Variants in ABI3BP observed in about 807,000 individuals in gnomAD.
The protein encoded by ABI3BP is ABI family member 3 binding protein.
In ABI3BP, 216 loss-of-function variants were observed where a neutral mutation model predicts 268.6. The ratio of observed to expected loss-of-function variants is 0.80; its 90% CI spans 0.72 to 0.90. The LOEUF is 0.90. Among genes scored for constraint, ABI3BP ranks in the 40% least tolerant of loss-of-function variants. The probability of loss-of-function intolerance (pLI) is 0.00; values close to 1 mark genes in which losing one functional copy is unlikely to be tolerated. For missense variants in ABI3BP, 2,090 were observed against 2,182.4 expected, an observed-to-expected ratio of 0.96 and a Z score of 0.84; for synonymous variants, 730 against 730.0, an observed-to-expected ratio of 1.00 and a Z score of 0.00.
chr3:100,884,407 T>C (rs116136039), intron 6 of ABI3BP, among the ~76,000 whole-genome samples: 1 of 152,126 alleles, frequency 6.6e-6, no homozygotes, highest in African/African-American at 2.4e-5. Flanking sequence ...GATAATAATT[T>C]CACAATGAAC....
At chr3:100,871,697 G>A (rs1383783280) in intron 9 of ABI3BP, among the ~76,000 whole-genome samples, 2 of 152,202 alleles carry the variant, frequency 1.3e-5, no homozygotes, top group African/African-American at 4.8e-5. Context: ...CCCCAGCCAT[G>A]TGGAACTATA....
chr3:100,825,595 C>T lies in ABI3BP; in HGVS notation c.2662+190G>A, dbSNP rs188686397. Among the ~76,000 whole-genome samples, 5 of 152,304 alleles carry T rather than the reference C, an allele frequency of 3.3e-5. No homozygotes were observed. The East Asian group carries it at 7.7e-4, about 23-fold the overall frequency. ...AGCTCATGCCTGGCTCTCATAAAAA[C>T]AGCAGGAAACTTGTTTTTAGGAGGC... On this transcript the variant is annotated intron_variant, in intron 35 of 67. Coordinates refer to ENST00000471714, the MANE Select transcript of ABI3BP (RefSeq NM_001375547.2).
chr3:100,926,557 T>G, intron 1 of ABI3BP, 76 bp from the exon 2 acceptor site: 1 of 1,381,654 alleles, frequency 7.2e-7, no homozygotes, highest in Non-Finnish European at 1.0e-6. Flanking sequence ...CAGCAAGTGT[T>G]GGTGGCTAGA....
At chr3:100,780,272 A>G (rs1329696965) in intron 57 of ABI3BP, 63 bp from the exon 58 acceptor site, 36 of 1,474,856 alleles carry the variant, frequency 2.4e-5, no homozygotes, top group Non-Finnish European at 3.4e-5. Context: ...GAAACTTGGT[A>G]GAGTTGCCAG....
chr3:100,928,964 C>G (rs2062748216), intron 1 of ABI3BP, among the ~76,000 whole-genome samples: 2 of 152,040 alleles, frequency 1.3e-5, no homozygotes, highest in South Asian at 4.1e-4. Context: ...TCAGATAAAA[C>G]ACAGATTTTG....
intron 63 of ABI3BP, 58 bp downstream of exon 63, chr3:100,765,783 G>T: frequency 8.0e-7 from 1 of 1,248,090 alleles, no homozygotes; most frequent in Non-Finnish European, 1.2e-6. Context: ...TCTTTCCCTT[G>T]TTGTGGTTAT....
intron 26 of ABI3BP, 22 bp from the exon 27 acceptor site, chr3:100,837,193 G>A (rs539874580): frequency 6.6e-7 from 1 of 1,524,722 alleles, no homozygotes; most frequent in South Asian, 1.2e-5. Flanking sequence ...AAAATAAACA[G>A]ATATAAGTAA....
At chr3:100,793,209 A>AT (rs1475358179) in intron 54 of ABI3BP, among the ~76,000 whole-genome samples, 1 of 151,896 alleles carries the variant, frequency 6.6e-6, no homozygotes, top group African/African-American at 2.4e-5. Context: ...CAAATATTCT[A>AT]TTTTTCTCAT....
At position 100,848,785 on chromosome 3, in the gene ABI3BP, A is replaced by G. The variant is rs1438729558; in HGVS notation, c.1576+16T>C. 3 of 1,602,362 alleles carry G rather than the reference A, an allele frequency of 1.9e-6. No individual in the cohort carries two copies. In the East Asian group the frequency reaches 6.7e-5, roughly 36 times the overall value. ...ATCTGGAATTACATATCATGTAAAT[A>G]TAAAGAGACATTTACCAGGTTTGGT... On this transcript the variant is annotated intron_variant, in intron 18 of 67. Coordinates refer to ENST00000471714, the MANE Select transcript of ABI3BP (RefSeq NM_001375547.2).
chr3:100,749,577 T>TTCTC lies in ABI3BP; in HGVS notation c.*914_*917dup, dbSNP rs1461804782. ...ATTGAATTAAACAGTTACAAAGACA[T>TTCTC]TCTCTGATACATTCATTCATAGAGG... On this transcript the variant is annotated 3_prime_UTR_variant, in exon 68 of 68. Transcript: ENST00000471714. 7.6e-6 allele frequency: 3 copies of TTCTC among 396,684 alleles called. No individual in the cohort carries two copies. Among genetic ancestry groups the TTCTC allele is most frequent in the East Asian group, 3.6e-5 (1 of 27,906 alleles). 24.6% of individuals were successfully genotyped at this position (396,684 alleles called of 1,614,324 possible).
At chr3:100,985,405 T>G (rs2091389200) in intron 1 of ABI3BP, among the ~76,000 whole-genome samples, 1 of 152,058 alleles carries the variant, frequency 6.6e-6, no homozygotes, top group Non-Finnish European at 1.5e-5. Context: ...CGCCTTGGCC[T>G]CCCAAAGTGC....
At chr3:100,965,398 T>A (rs1157182882) in intron 1 of ABI3BP, among the ~76,000 whole-genome samples, 1 of 152,128 alleles carries the variant, frequency 6.6e-6, no homozygotes, top group Non-Finnish European at 1.5e-5. Flanking sequence ...TCTATAGTTT[T>A]AACAGATGCC....
At chr3:100,913,943 A>T (rs2153573574) in intron 2 of ABI3BP, among the ~76,000 whole-genome samples, 1 of 152,292 alleles carries the variant, frequency 6.6e-6, no homozygotes, top group South Asian at 2.1e-4. Context: ...ACATGTTCTG[A>T]AAGAATTAAT....
rs145088569 is a variant in ABI3BP at position 100,878,088 on chromosome 3, G to A, written c.697-1528C>T. Among the ~76,000 whole-genome samples the A allele has an allele frequency of 4.7e-3, 720 of 151,984 alleles. 6 individuals carry two copies. Among genetic ancestry groups the A allele is most frequent in the African/African-American group, 0.016 (677 of 41,442 alleles). ...TCAATGATTTCCTCCTTAGCAATCCGGCCTAAGGAATTAATCAAAGACAGT... is the reference window on the plus strand; with the variant it reads ...TCAATGATTTCCTCCTTAGCAATCCAGCCTAAGGAATTAATCAAAGACAGT... On this transcript the variant is annotated intron_variant, in intron 6 of 67. Coordinates refer to ENST00000471714, the MANE Select transcript of ABI3BP (RefSeq NM_001375547.2).
At chr3:100,951,636 T>A (rs1312046252) in intron 1 of ABI3BP, among the ~76,000 whole-genome samples, 5 of 151,952 alleles carry the variant, frequency 3.3e-5, no homozygotes, top group African/African-American at 1.2e-4. Flanking sequence ...TGTGTCACAG[T>A]CCTAGGCACC....
chr3:100,926,305 C>A lies in ABI3BP; in HGVS notation c.256G>T (p.Val86Phe). ...PAEGKFTEAI[V>F]DAEPKYLIVV... ...GCCCGATACCCAAACACCTTACCAA[C>A]TATAGCTTCTGTGAATTTCCCTTCA... Residue 86 changes from valine to phenylalanine, a missense_variant, in exon 2 of 68, where the codon GTT (valine) becomes TTT (phenylalanine). Transcript: ENST00000471714. The A allele has an allele frequency of 2.5e-6, 4 of 1,613,216 alleles. No homozygotes were observed. The highest frequency in any genetic ancestry group is 3.4e-6 in the Non-Finnish European group (4 of 1,179,428).
intron 1 of ABI3BP, among the ~76,000 whole-genome samples, chr3:100,959,444 C>A (rs1050823255): frequency 7.2e-6 from 1 of 138,330 alleles, no homozygotes; most frequent in Non-Finnish European, 1.5e-5. Context: ...GAGCCGAGAT[C>A]GCGCCACTGC....
intron 54 of ABI3BP, 77 bp downstream of exon 54, chr3:100,794,846 A>T: frequency 9.6e-7 from 1 of 1,046,238 alleles, no homozygotes; most frequent in Admixed American, 2.4e-5. Context: ...ATCTGTGAAC[A>T]TAATGTATTA....
At chr3:100,898,988 A>G in intron 3 of ABI3BP, 94 bp from the exon 4 acceptor site, 1 of 1,325,070 alleles carries the variant, frequency 7.5e-7, no homozygotes, top group Non-Finnish European at 1.0e-6. Context: ...TGGCAAGATG[A>G]TGCAAAATGT....
Sources: allele counts gnomAD v4.1 joint callset (sites outside exome capture counted in the v4.1 genomes callset), GRCh38; gene constraint gnomAD v4.1.1; transcripts MANE v1.5; gene names NCBI Gene and HGNC (gene_info 2026-07-23, HGNC 2026-07-21).